PRKCE: variants seen among roughly 807,000 people sequenced by gnomAD.
PRKCE encodes protein kinase C epsilon type.
Under a neutral mutation model 85.4 loss-of-function variants are expected in PRKCE, and 16 were observed. The ratio of observed to expected loss-of-function variants is 0.19; its 90% CI spans 0.13 to 0.28. PRKCE has a LOEUF of 0.28. Among genes scored for constraint, PRKCE ranks in the 10% least tolerant of loss-of-function variants. PRKCE has a pLI of 1.00. For synonymous variants in PRKCE, 388 were observed against 371.5 expected (o/e 1.04, Z -0.51); for missense variants, 573 against 975.2 (o/e 0.59, Z 5.49).
intron 1 of PRKCE, among the ~76,000 whole-genome samples, chr2:45,666,162 A>G (rs1284848827): frequency 3.3e-5 from 5 of 152,120 alleles, no homozygotes; most frequent in Admixed American, 2.0e-4. Context: ...TTTAAAAAAT[A>G]TTTCCTTCGT....
intron 11 of PRKCE, among the ~76,000 whole-genome samples, chr2:46,135,780 G>C (rs1343639821): frequency 5.4e-5 from 2 of 37,210 alleles, no homozygotes; most frequent in Admixed American, 4.5e-4. Context: ...TTTTAATGTA[G>C]GGGAAGTAGA....
intron 2 of PRKCE, among the ~76,000 whole-genome samples, chr2:45,868,529 G>A (rs1359061810): frequency 2.0e-5 from 3 of 150,070 alleles, no homozygotes; most frequent in African/African-American, 7.3e-5. Context: ...TCCCCATGTT[G>A]GCCAGGCTGG....
At chr2:45,833,502 C>G (rs1470758602) in intron 1 of PRKCE, among the ~76,000 whole-genome samples, 1 of 152,182 alleles carries the variant, frequency 6.6e-6, no homozygotes, top group African/African-American at 2.4e-5. Flanking sequence ...GTGTGCCAGA[C>G]AGTTTCAAGT....
intron 12 of PRKCE, among the ~76,000 whole-genome samples, chr2:46,149,420 C>T (rs1676387891): frequency 6.6e-6 from 1 of 152,084 alleles, no homozygotes. Context: ...TAGGTCATCT[C>T]ATCCACCCTC....
intron 1 of PRKCE, among the ~76,000 whole-genome samples, chr2:45,779,947 A>G (rs1686053179): frequency 6.6e-6 from 1 of 152,222 alleles, no homozygotes; most frequent in African/African-American, 2.4e-5. Context: ...ATTTATCAAT[A>G]CATAATCAAT....
chr2:46,112,239 G>A (rs12615702), intron 11 of PRKCE, among the ~76,000 whole-genome samples: 35,440 of 152,036 alleles, frequency 0.23, 4,336 homozygotes, highest in South Asian at 0.4. Context: ...CATTAGCATA[G>A]TAATTCTTTC....
At chr2:45,925,912 C>T (rs940864675) in intron 2 of PRKCE, among the ~76,000 whole-genome samples, 4 of 152,224 alleles carry the variant, frequency 2.6e-5, no homozygotes, top group African/African-American at 7.2e-5. Context: ...TCATTCCTGG[C>T]CCAGGCCAGG....
At chr2:45,890,872 A>G (rs922768218) in intron 2 of PRKCE, among the ~76,000 whole-genome samples, 3 of 152,150 alleles carry the variant, frequency 2.0e-5, no homozygotes, top group African/African-American at 7.2e-5. Context: ...TATGCAATGG[A>G]AGTGGATTTA....
intron 1 of PRKCE, among the ~76,000 whole-genome samples, chr2:45,665,800 T>G (rs1675884201): frequency 6.6e-6 from 1 of 152,226 alleles, no homozygotes; most frequent in Non-Finnish European, 1.5e-5. Context: ...TGGCCTTCGA[T>G]TTTTCTTTGC....
At chr2:45,962,723 T>C (rs1237386306) in intron 2 of PRKCE, among the ~76,000 whole-genome samples, 1 of 152,048 alleles carries the variant, frequency 6.6e-6, no homozygotes, top group Non-Finnish European at 1.5e-5. Flanking sequence ...ATCTGGCAAA[T>C]TTCCTGGACT....
chr2:46,159,665 C>T lies in PRKCE; in HGVS notation c.1980C>T (p.Asp660=), dbSNP rs768749693. 3.3e-5 allele frequency: 52 copies of T among 1,599,330 alleles called. No individual in the cohort carries two copies. The highest frequency in any genetic ancestry group is 1.6e-4 in the Middle Eastern group (1 of 6,080). ...LGCVASQNGE[D]AIKQHPFFKE... ...GTGTGGCATCGCAGAATGGCGAGGACGCCATCAAGCAGCACCCATTCTTCA... is the reference window on the plus strand; with the variant it reads ...GTGTGGCATCGCAGAATGGCGAGGATGCCATCAAGCAGCACCCATTCTTCA... Residue 660 remains aspartate, a synonymous_variant, in exon 14 of 15, where the codon GAC becomes GAT. Coordinates refer to ENST00000306156, the MANE Select transcript of PRKCE (RefSeq NM_005400.3). This position sits in a 1 kb window ranked among gnomAD's most constrained non-coding sequence, Gnocchi z 4.1.
At chr2:46,081,175 T>C (rs1022302581) in intron 10 of PRKCE, among the ~76,000 whole-genome samples, 1 of 152,116 alleles carries the variant, frequency 6.6e-6, no homozygotes, top group South Asian at 2.1e-4. Flanking sequence ...AATTTTTTTG[T>C]ATAGACAGGG....
chr2:46,063,279 A>G (rs1394424596), intron 10 of PRKCE, among the ~76,000 whole-genome samples: 3 of 152,024 alleles, frequency 2.0e-5, no homozygotes, highest in African/African-American at 7.3e-5. Context: ...CTAGGAGGAG[A>G]AAATTTGGAA....
chr2:45,707,724 T>C (rs1337330094), intron 1 of PRKCE, among the ~76,000 whole-genome samples: 1 of 152,192 alleles, frequency 6.6e-6, no homozygotes, highest in East Asian at 1.9e-4. Flanking sequence ...GGACACACAG[T>C]TCGTGACGAA....
chr2:46,099,500 A>ATTTTTTTT (rs56086039), intron 11 of PRKCE, among the ~76,000 whole-genome samples: 8 of 146,594 alleles, frequency 5.5e-5, no homozygotes, highest in African/African-American at 2.0e-4. Flanking sequence ...AAGGTATGGT[A>ATTTTTTTT]TTTTTTTTTT....
intron 1 of PRKCE, among the ~76,000 whole-genome samples, chr2:45,692,633 A>T (rs928685975): frequency 6.6e-6 from 1 of 152,098 alleles, no homozygotes; most frequent in Non-Finnish European, 1.5e-5. Flanking sequence ...CAATTCAGTG[A>T]GGGAGACTGA....
intron 9 of PRKCE, among the ~76,000 whole-genome samples, chr2:46,008,848 T>C (rs911185208): frequency 6.6e-6 from 1 of 152,216 alleles, no homozygotes; most frequent in Non-Finnish European, 1.5e-5. Flanking sequence ...GTAGGCAGAA[T>C]GGGAACTTAG....
chr2:45,841,063 C>T (rs1691306078), intron 1 of PRKCE, among the ~76,000 whole-genome samples: 1 of 152,120 alleles, frequency 6.6e-6, no homozygotes, highest in African/African-American at 2.4e-5. Context: ...CAGTGAGCTA[C>T]GAACTAGGGA....
chr2:45,872,381 C>T (rs951665229), intron 2 of PRKCE, among the ~76,000 whole-genome samples: 1 of 152,192 alleles, frequency 6.6e-6, no homozygotes, highest in Non-Finnish European at 1.5e-5. Flanking sequence ...AGAGCCAGCT[C>T]ATGCAGGGCT....
Sources: allele counts gnomAD v4.1 joint callset (sites outside exome capture counted in the v4.1 genomes callset), GRCh38; gene constraint gnomAD v4.1.1; non-coding constraint Gnocchi (gnomAD v3.1); transcripts MANE v1.5; gene names NCBI Gene and HGNC (gene_info 2026-07-23, HGNC 2026-07-21).